PLCB4: variants seen among roughly 807,000 people sequenced by gnomAD.
PLCB4 encodes the protein phospholipase C beta 4.
A neutral mutation model predicts 178.8 loss-of-function variants in PLCB4; 77 were observed. That is an observed-to-expected ratio of 0.43 (90% confidence interval 0.36 to 0.52). The LOEUF (loss-of-function observed/expected upper bound fraction) is 0.52, where lower values mean the gene tolerates loss of function less well. Ranked by LOEUF, PLCB4 falls within the 20% of genes least tolerant of loss-of-function variation. PLCB4 has a pLI of 0.00. For missense variants in PLCB4, 1,024 were observed against 1,453.4 expected, an observed-to-expected ratio of 0.70 and a Z score of 4.80; for synonymous variants, 496 against 490.8, an observed-to-expected ratio of 1.01 and a Z score of -0.14.
chr20:9,119,360 A>G (rs2091885855), intron 2 of PLCB4, among the ~76,000 whole-genome samples: 1 of 152,194 alleles, frequency 6.6e-6, no homozygotes, highest in Non-Finnish European at 1.5e-5. Context: ...TTGGTGCTAT[A>G]AAAGTACTTC....
At chr20:9,361,281 GT>G (rs2035303338) in intron 7 of PLCB4, among the ~76,000 whole-genome samples, 1 of 152,192 alleles carries the variant, frequency 6.6e-6, no homozygotes, top group Admixed American at 6.5e-5. Context: ...GAATGGATGA[GT>G]GTATTATTCA....
chr20:9,275,190 G>A (rs1420618804), intron 3 of PLCB4, among the ~76,000 whole-genome samples: 3 of 152,016 alleles, frequency 2.0e-5, no homozygotes, highest in Admixed American at 1.3e-4. Flanking sequence ...CAATCATGGC[G>A]GAGGGCACAA....
chr20:9,466,990 T>C (rs1015482895), intron 35 of PLCB4, among the ~76,000 whole-genome samples: 44 of 152,178 alleles, frequency 2.9e-4, no homozygotes, highest in African/African-American at 1.0e-3. Context: ...ATGTGTTTAT[T>C]GTGGCACTAT....
At chr20:9,432,231 T>G (rs979270474) in intron 28 of PLCB4, among the ~76,000 whole-genome samples, 1 of 152,248 alleles carries the variant, frequency 6.6e-6, no homozygotes, top group East Asian at 1.9e-4. Context: ...AATGCTTGGT[T>G]AGGATAGATG....
intron 1 of PLCB4, among the ~76,000 whole-genome samples, chr20:9,093,002 C>G (rs572954356): frequency 7.2e-5 from 11 of 152,218 alleles, no homozygotes; most frequent in African/African-American, 2.6e-4. Context: ...GCCACCATAC[C>G]TGGGAATTTT....
At chr20:9,352,518 A>G (rs1293935808) in intron 7 of PLCB4, among the ~76,000 whole-genome samples, 4 of 152,160 alleles carry the variant, frequency 2.6e-5, no homozygotes. Flanking sequence ...GCAGCTTCTG[A>G]ACAGCACAGG....
intron 2 of PLCB4, among the ~76,000 whole-genome samples, chr20:9,103,459 C>A (rs1045959695): frequency 6.6e-6 from 1 of 152,090 alleles, no homozygotes; most frequent in Admixed American, 6.5e-5. Context: ...TTTTGCAAAT[C>A]TCTTAAAGTC....
At chr20:9,341,434 A>C (rs2033183271) in intron 7 of PLCB4, among the ~76,000 whole-genome samples, 1 of 152,208 alleles carries the variant, frequency 6.6e-6, no homozygotes, top group Non-Finnish European at 1.5e-5. Flanking sequence ...GTATTCTTAC[A>C]ATAAAGTAAG....
intron 2 of PLCB4, among the ~76,000 whole-genome samples, chr20:9,108,700 A>C (rs2091460664): frequency 6.6e-6 from 1 of 152,080 alleles, no homozygotes; most frequent in African/African-American, 2.4e-5. Flanking sequence ...TAGCAGCCAA[A>C]AAAGAAAGAA....
intron 35 of PLCB4, among the ~76,000 whole-genome samples, chr20:9,461,980 C>T (rs919004046): frequency 4.6e-5 from 7 of 152,264 alleles, no homozygotes; most frequent in South Asian, 2.1e-4. Context: ...CCCCATGTAG[C>T]CTAACTGGGA....
intron 2 of PLCB4, among the ~76,000 whole-genome samples, chr20:9,193,384 G>A (rs1353237193): frequency 3.9e-5 from 6 of 152,194 alleles, no homozygotes; most frequent in South Asian, 2.1e-4. Context: ...GAAAGACACA[G>A]GTTGGTTCCT....
intron 3 of PLCB4, among the ~76,000 whole-genome samples, chr20:9,270,828 A>G (rs1335385500): frequency 6.6e-6 from 1 of 152,122 alleles, no homozygotes; most frequent in Non-Finnish European, 1.5e-5. Context: ...GTTTTCCAAA[A>G]AAAAACAAAT....
intron 3 of PLCB4, among the ~76,000 whole-genome samples, chr20:9,228,478 A>C (rs1024174025): frequency 6.6e-6 from 1 of 152,098 alleles, no homozygotes; most frequent in Non-Finnish European, 1.5e-5. Context: ...CTCTTTAAGC[A>C]CTTCCAGATG....
At chr20:9,085,079 CT>C (rs1251979178) in intron 1 of PLCB4, among the ~76,000 whole-genome samples, 1 of 146,358 alleles carries the variant, frequency 6.8e-6, no homozygotes, top group Non-Finnish European at 1.5e-5. Context: ...GAATATATTA[CT>C]TTTTCTTTTT....
At chr20:9,222,681 C>CT (rs1481713984) in intron 3 of PLCB4, among the ~76,000 whole-genome samples, 1 of 152,070 alleles carries the variant, frequency 6.6e-6, no homozygotes, top group African/African-American at 2.4e-5. Flanking sequence ...GAGGTTTTAC[C>CT]TTTTTTTGTC....
intron 2 of PLCB4, among the ~76,000 whole-genome samples, chr20:9,152,853 G>A (rs66502515): frequency 0.063 from 9,523 of 152,140 alleles, 785 homozygotes; most frequent in East Asian, 0.31. Context: ...AAGCATCTGG[G>A]AGGGAGGCTG....
At chr20:9,206,006 A>G (rs2093609596) in intron 2 of PLCB4, among the ~76,000 whole-genome samples, 1 of 152,200 alleles carries the variant, frequency 6.6e-6, no homozygotes, top group Non-Finnish European at 1.5e-5. Context: ...TGATGCCACT[A>G]GAAAGCTGAA....
intron 3 of PLCB4, among the ~76,000 whole-genome samples, chr20:9,272,862 T>G: frequency 6.6e-6 from 1 of 151,902 alleles, no homozygotes; most frequent in East Asian, 1.9e-4. Flanking sequence ...TGACTTACCT[T>G]GTGAGCTTCT....
At chr20:9,138,873 C>T (rs2092434506) in intron 2 of PLCB4, among the ~76,000 whole-genome samples, 1 of 152,094 alleles carries the variant, frequency 6.6e-6, no homozygotes, top group African/African-American at 2.4e-5. Flanking sequence ...TTTTTGAGTG[C>T]TGCTTACTAA....
Sources: allele counts gnomAD v4.1 joint callset (sites outside exome capture counted in the v4.1 genomes callset), GRCh38; gene constraint gnomAD v4.1.1; transcripts MANE v1.5; gene names NCBI Gene and HGNC (gene_info 2026-07-23, HGNC 2026-07-21).